The following PCDH9 variants were observed in gnomAD, a reference collection of about 807,000 sequenced individuals.
The protein encoded by PCDH9 is protocadherin 9, also known as protocadherin-9.
Under a neutral mutation model 70.6 loss-of-function variants are expected in PCDH9, and 24 were observed. That is an observed-to-expected ratio of 0.34 (90% CI 0.25 to 0.48). The LOEUF (loss-of-function observed/expected upper bound fraction) is 0.48. PCDH9 is among the 20% of genes least tolerant of loss of function. The pLI is 0.99. For synonymous variants in PCDH9, 562 were observed against 558.5 expected (o/e 1.01, Z -0.09); for missense variants, 1,281 against 1,503.6 (o/e 0.85, Z 2.45).
At chr13:66,498,603 G>A (rs915462256) in intron 4 of PCDH9, among the ~76,000 whole-genome samples, 1 of 152,094 alleles carries the variant, frequency 6.6e-6, no homozygotes, top group African/African-American at 2.4e-5. Context: ...GTATTATAAT[G>A]CCATATATAA....
chr13:67,049,613 T>C (rs2085285751), intron 2 of PCDH9, among the ~76,000 whole-genome samples: 1 of 152,178 alleles, frequency 6.6e-6, no homozygotes, highest in African/African-American at 2.4e-5. Context: ...AGGAGCCAGG[T>C]GCTTTCAAAC....
chr13:66,392,991 C>T (rs1957045317), intron 4 of PCDH9, among the ~76,000 whole-genome samples: 1 of 150,878 alleles, frequency 6.6e-6, no homozygotes, highest in Admixed American at 6.6e-5. Flanking sequence ...TAAAATCTTG[C>T]ATGTTGTTTT....
chr13:66,737,936 C>T (rs994229191), intron 3 of PCDH9, among the ~76,000 whole-genome samples: 3 of 152,084 alleles, frequency 2.0e-5, no homozygotes, highest in Non-Finnish European at 4.4e-5. Context: ...CCCGCCATTG[C>T]CCAGGCTTGC....
At chr13:66,436,855 A>G (rs556061230) in intron 4 of PCDH9, among the ~76,000 whole-genome samples, 11 of 150,920 alleles carry the variant, frequency 7.3e-5, no homozygotes, top group Non-Finnish European at 1.5e-4. Context: ...GTAGTGTGCC[A>G]AGTTTTTTTA....
chr13:66,363,169 A>ACT (rs1340175630), intron 4 of PCDH9, among the ~76,000 whole-genome samples: 1 of 151,946 alleles, frequency 6.6e-6, no homozygotes, highest in African/African-American at 2.4e-5. Context: ...ACAGAGCAAG[A>ACT]CTCTCTCTCA....
intron 2 of PCDH9, among the ~76,000 whole-genome samples, chr13:66,915,445 T>C (rs962797065): frequency 2.6e-5 from 4 of 151,714 alleles, no homozygotes; most frequent in South Asian, 4.1e-4. Context: ...ACTACTCACA[T>C]AGGTATTTTT....
At chr13:66,366,740 T>C (rs183986358) in intron 4 of PCDH9, among the ~76,000 whole-genome samples, 90 of 152,082 alleles carry the variant, frequency 5.9e-4, no homozygotes, top group African/African-American at 2.1e-3. Flanking sequence ...ATAATAAGCA[T>C]CCCCAAAACA....
intron 3 of PCDH9, among the ~76,000 whole-genome samples, chr13:66,714,505 A>G (rs370170629): frequency 1.3e-5 from 2 of 151,944 alleles, no homozygotes; most frequent in South Asian, 2.1e-4. Flanking sequence ...TTTTATAGGA[A>G]TGAAGAGCAG....
intron 2 of PCDH9, among the ~76,000 whole-genome samples, chr13:67,198,609 C>A (rs1360993033): frequency 6.6e-6 from 1 of 151,782 alleles, no homozygotes; most frequent in African/African-American, 2.4e-5. Context: ...AACACACATA[C>A]CATAACCTAG....
At chr13:66,831,912 G>A (rs1176169516) in intron 3 of PCDH9, among the ~76,000 whole-genome samples, 1 of 151,920 alleles carries the variant, frequency 6.6e-6, no homozygotes, top group Non-Finnish European at 1.5e-5. Flanking sequence ...AAAAAAAAGT[G>A]CCAAAATGTC....
intron 4 of PCDH9, among the ~76,000 whole-genome samples, chr13:66,305,833 T>A: frequency 6.6e-6 from 1 of 152,080 alleles, no homozygotes; most frequent in East Asian, 1.9e-4. Context: ...AAGAAAGTGA[T>A]CATAGAATTT....
intron 4 of PCDH9, among the ~76,000 whole-genome samples, chr13:66,489,242 A>G (rs1359868071): frequency 1.3e-5 from 2 of 152,154 alleles, no homozygotes; most frequent in African/African-American, 2.4e-5. Flanking sequence ...TACCGCATTG[A>G]AAAATTATAA....
At chr13:66,583,199 C>T (rs1304052414) in intron 4 of PCDH9, among the ~76,000 whole-genome samples, 1 of 151,322 alleles carries the variant, frequency 6.6e-6, no homozygotes, top group African/African-American at 2.4e-5. Context: ...GAAAAAAATG[C>T]ATATATACAT....
chr13:66,904,087 T>C (rs114471293), intron 2 of PCDH9, among the ~76,000 whole-genome samples: 1,723 of 152,032 alleles, frequency 0.011, 37 homozygotes, highest in African/African-American at 0.04. Context: ...CCCATATCCT[T>C]AGCTACCACA....
intron 2 of PCDH9, among the ~76,000 whole-genome samples, chr13:67,200,269 T>C (rs1212222747): frequency 6.6e-6 from 1 of 152,068 alleles, no homozygotes; most frequent in African/African-American, 2.4e-5. Flanking sequence ...TTCCCACTTC[T>C]GTTGTAGGGA....
intron 3 of PCDH9, among the ~76,000 whole-genome samples, chr13:66,881,519 C>T (rs796536411): frequency 1.3e-5 from 2 of 152,262 alleles, no homozygotes; most frequent in African/African-American, 4.8e-5. Context: ...TCCCACAACA[C>T]ATGGGAATTA....
intron 2 of PCDH9, among the ~76,000 whole-genome samples, chr13:66,944,832 T>TGTGC (rs2083062300): frequency 6.8e-6 from 1 of 146,156 alleles, no homozygotes; most frequent in South Asian, 2.2e-4. Flanking sequence ...TGTGTGTGTG[T>TGTGC]GTGTGTGTGT....
chr13:66,760,589 T>C (rs1026375854), intron 3 of PCDH9, among the ~76,000 whole-genome samples: 3 of 152,208 alleles, frequency 2.0e-5, no homozygotes, highest in African/African-American at 7.2e-5. Flanking sequence ...ACAAATTGTT[T>C]GTAAAACATG....
chr13:66,731,289 G>T (rs2079076365), intron 3 of PCDH9, among the ~76,000 whole-genome samples: 2 of 152,146 alleles, frequency 1.3e-5, no homozygotes, highest in Middle Eastern at 6.8e-3. Context: ...CAAACTCATG[G>T]TTATATAAAG....
Sources: gnomAD v4.1 joint callset for allele counts (sites outside exome capture counted in the v4.1 genomes callset) on GRCh38, gnomAD v4.1.1 for gene constraint, MANE v1.5 for transcripts, NCBI Gene and HGNC (gene_info 2026-07-23, HGNC 2026-07-21) for gene names.